Variants in EPAS1 observed in about 807,000 individuals in gnomAD.
EPAS1 encodes the protein endothelial PAS domain-containing protein 1.
EPAS1 carries 23 observed loss-of-function variants against 87.9 expected under a neutral mutation model. The ratio of observed to expected loss-of-function variants is 0.26; its 90% CI spans 0.19 to 0.37. The LOEUF (loss-of-function observed/expected upper bound fraction) is 0.37. Ranked by LOEUF, EPAS1 falls within the 10% of genes least tolerant of loss-of-function variation. The probability of loss-of-function intolerance (pLI) is 1.00; values close to 1 mark genes in which losing one functional copy is unlikely to be tolerated. For missense variants in EPAS1, 1,138 were observed against 1,120.7 expected (o/e 1.02, Z -0.22); for synonymous variants, 508 against 444.3 (o/e 1.14, Z -1.80).
intron 1 of EPAS1, among the ~76,000 whole-genome samples, chr2:46,331,723 G>A (rs1252029026): frequency 6.6e-6 from 1 of 152,118 alleles, no homozygotes; most frequent in South Asian, 2.1e-4. Context: ...CTACCAACCG[G>A]CACCGAAATT....
chr2:46,356,420 C>A, intron 3 of EPAS1, 118 bp downstream of exon 3: 1 of 1,321,096 alleles, frequency 7.6e-7, no homozygotes, highest in East Asian at 2.4e-5. Context: ...CCACGGTGAC[C>A]CTCGCTGACC....
In EPAS1 at chr2:46,297,619, T is replaced by G; in HGVS notation, c.-293T>G. 2.2e-6 allele frequency: 1 copy of G among 464,834 alleles called. No individual in the cohort carries two copies. The highest frequency in any genetic ancestry group is 4.1e-5 in the East Asian group (1 of 24,114). 28.8% of individuals were successfully genotyped at this position (464,834 alleles called of 1,614,324 possible). A position where few individuals can be genotyped will look rare whatever the true frequency, so the allele number is the denominator to read the frequency against. ...CTCCTTTTCCAGGGAAAAAGGAACT[T>G]GGGTTCCCTTCTCTCCGTCCTCTTT... is the stretch of plus-strand genomic sequence containing the variant. On this transcript the variant is annotated 5_prime_UTR_variant, in exon 1 of 16. Coordinates refer to ENST00000263734, the MANE Select transcript of EPAS1 (RefSeq NM_001430.5).
In EPAS1 at chr2:46,297,484, T is replaced by A. The variant is rs558198311; in HGVS notation, c.-428T>A. On this transcript the variant is annotated 5_prime_UTR_variant, in exon 1 of 16. Coordinates refer to ENST00000263734, the MANE Select transcript of EPAS1 (RefSeq NM_001430.5). ...CAGCGCTCCTGAGGCGGCCGTACAA[T>A]CCTCGGCAGTGTCCTGAGACTGTAT... The A allele has an allele frequency of 5.0e-6, 1 of 199,572 alleles. No individual in the cohort carries two copies. Among genetic ancestry groups the A allele is most frequent in the African/African-American group, 2.4e-5 (1 of 41,476 alleles). 12.4% of individuals were successfully genotyped at this position (199,572 alleles called of 1,614,324 possible).
Position 46,386,114 on chromosome 2 carries a change from G to A in EPAS1, c.*1454G>A, listed in dbSNP as rs533039309. The stretch of plus-strand genomic sequence containing the variant: ...AGGCCCTGGCTGAGGTCTCTGGGTC[G>A]GTCAGTGACATGTAGGTAGGAAGCA... On this transcript the variant is annotated 3_prime_UTR_variant, in exon 16 of 16. Coordinates refer to ENST00000263734, the MANE Select transcript of EPAS1 (RefSeq NM_001430.5). The A allele has an allele frequency of 1.3e-5, 2 of 152,746 alleles. No homozygotes were observed. Among genetic ancestry groups the A allele is most frequent in the South Asian group, 2.1e-4 (1 of 4,830 alleles). 9.5% of individuals were successfully genotyped at this position (152,746 alleles called of 1,614,324 possible).
chr2:46,373,820 C>G (rs535755887), intron 7 of EPAS1, among the ~76,000 whole-genome samples: 1 of 152,228 alleles, frequency 6.6e-6, no homozygotes, highest in Non-Finnish European at 1.5e-5. Flanking sequence ...ACAGAAAAAG[C>G]TTAGACTAGG....
intron 1 of EPAS1, among the ~76,000 whole-genome samples, chr2:46,336,253 C>G (rs6706003): frequency 0.64 from 97,981 of 152,082 alleles, 34,326 homozygotes; most frequent in East Asian, 0.96. Flanking sequence ...CCAGGTTCCA[C>G]TGAAGGATAC....
At chr2:46,367,234 A>G (rs1684521731) in intron 6 of EPAS1, among the ~76,000 whole-genome samples, 1 of 152,256 alleles carries the variant, frequency 6.6e-6, no homozygotes, top group Non-Finnish European at 1.5e-5. Context: ...ATCTACTTTG[A>G]ACATTTTAAT....
chr2:46,381,779 CT>C, intron 13 of EPAS1, 57 bp downstream of exon 13: 1 of 1,609,352 alleles, frequency 6.2e-7, no homozygotes, highest in South Asian at 1.1e-5. Context: ...GAACCCAGGG[CT>C]GCTGAGAGGG....
At chr2:46,320,318 G>C (rs1184971090) in intron 1 of EPAS1, among the ~76,000 whole-genome samples, 1 of 152,190 alleles carries the variant, frequency 6.6e-6, no homozygotes, top group African/African-American at 2.4e-5. Context: ...TACACATTTA[G>C]GGAGTGCAAA....
In EPAS1 at chr2:46,341,740, C is replaced by CT. The variant is rs1404942416; in HGVS notation, c.27-5132dup. Among the ~76,000 whole-genome samples the CT allele has an allele frequency of 5.3e-5, 8 of 152,278 alleles. No individual in the cohort carries two copies. In the East Asian group the frequency reaches 1.4e-3, roughly 26 times the overall value. On this transcript the variant is annotated intron_variant, in intron 1 of 15. Transcript: ENST00000263734. ...GACACATGATCACAGGCCTGGAAAT[C>CT]TATGTTTTCATAAGTCCTCCAGGTG...
intron 1 of EPAS1, among the ~76,000 whole-genome samples, chr2:46,343,398 A>G (rs1214278965): frequency 1.3e-5 from 2 of 152,248 alleles, no homozygotes; most frequent in Non-Finnish European, 2.9e-5. Flanking sequence ...TCAACACAGC[A>G]CAGGGAACAT....
chr2:46,330,591 C>T (rs555887455), intron 1 of EPAS1, among the ~76,000 whole-genome samples: 22 of 152,326 alleles, frequency 1.4e-4, no homozygotes, highest in Admixed American at 1.3e-4. Context: ...GGCTCAGTGC[C>T]CATGGAGATA....
intron 1 of EPAS1, among the ~76,000 whole-genome samples, chr2:46,301,302 G>A (rs1682991214): frequency 6.6e-6 from 1 of 152,136 alleles, no homozygotes; most frequent in Non-Finnish European, 1.5e-5. Flanking sequence ...AGGGCTGGTC[G>A]CGGTGGCTCA....
chr2:46,377,807 G>A (rs1684789744), intron 9 of EPAS1, 87 bp from the exon 10 acceptor site: 1 of 1,550,560 alleles, frequency 6.4e-7, no homozygotes, highest in African/African-American at 1.4e-5. Context: ...CCCTCTTAGG[G>A]CCTTCTCTGC....
At chr2:46,351,008 T>C (rs549917155) in intron 2 of EPAS1, among the ~76,000 whole-genome samples, 1 of 152,306 alleles carries the variant, frequency 6.6e-6, no homozygotes, top group Non-Finnish European at 1.5e-5. Context: ...AAAGAAAGAA[T>C]TGTGGAGGCA....
At chr2:46,342,261 G>T (rs111383206) in intron 1 of EPAS1, among the ~76,000 whole-genome samples, 1 of 152,160 alleles carries the variant, frequency 6.6e-6, no homozygotes, top group Non-Finnish European at 1.5e-5. Context: ...TCTGGAACCT[G>T]GAGCTGGGTG....
chr2:46,342,717 A>C lies in EPAS1; in HGVS notation c.27-4156A>C, dbSNP rs115283610. 3.8e-3 allele frequency among the ~76,000 whole-genome samples: 582 copies of C among 152,274 alleles called. 5 individuals carry two copies. The highest frequency in any genetic ancestry group is 0.013 in the African/African-American group (532 of 41,558). ...CAGATCATCCTTAGATTCATGACCT[A>C]AGTAGCGATCCCTAAGCCATGCTCG... On this transcript the variant is annotated intron_variant, in intron 1 of 15. Coordinates refer to ENST00000263734, the MANE Select transcript of EPAS1 (RefSeq NM_001430.5).
chr2:46,384,855 T>C lies in EPAS1; in HGVS notation c.*195T>C. On this transcript the variant is annotated 3_prime_UTR_variant, in exon 16 of 16. Coordinates refer to ENST00000263734, the MANE Select transcript of EPAS1 (RefSeq NM_001430.5). ...CACTTTATTATCCCTATTTTTAAAG[T>C]ACACAATTGTTTTACCTGTTCTGAA... The C allele has an allele frequency of 1.5e-6, 1 of 674,140 alleles. No homozygotes were observed. Among genetic ancestry groups the C allele is most frequent in the Non-Finnish European group, 2.5e-6 (1 of 402,564 alleles). 41.8% of individuals were successfully genotyped at this position (674,140 alleles called of 1,614,324 possible).
intron 1 of EPAS1, among the ~76,000 whole-genome samples, chr2:46,310,015 G>T (rs1275321858): frequency 2.0e-5 from 3 of 152,230 alleles, no homozygotes; most frequent in African/African-American, 7.2e-5. Flanking sequence ...TCCCCTGCTA[G>T]CCCTTAGTAA....
Sources: allele counts gnomAD v4.1 joint callset (sites outside exome capture counted in the v4.1 genomes callset), GRCh38; gene constraint gnomAD v4.1.1; transcripts MANE v1.5; gene names NCBI Gene and HGNC (gene_info 2026-07-23, HGNC 2026-07-21).